ABCG2: variants seen among roughly 807,000 people sequenced by gnomAD.
ABCG2 encodes ATP binding cassette subfamily G member 2 (JR blood group).
In ABCG2, 80 loss-of-function variants were observed where a neutral mutation model predicts 73.5. That is an observed-to-expected ratio of 1.09 (90% CI 0.91 to 1.31). The LOEUF is 1.31. Ranked by LOEUF, ABCG2 falls within the 50% of genes most tolerant of loss-of-function variation. ABCG2 has a pLI of 0.00. For missense variants in ABCG2, 796 were observed against 786.2 expected, an observed-to-expected ratio of 1.01 and a Z score of -0.15; for synonymous variants, 269 against 282.4, an observed-to-expected ratio of 0.95 and a Z score of 0.48.
intron 11 of ABCG2, among the ~76,000 whole-genome samples, chr4:88,100,337 T>A (rs1387245184): frequency 6.6e-6 from 1 of 151,728 alleles, no homozygotes; most frequent in African/African-American, 2.4e-5. Context: ...CCATCTCTAC[T>A]AAAAATACCA....
chr4:88,227,382 C>T (rs1049794764), intron 1 of ABCG2, among the ~76,000 whole-genome samples: 41 of 152,122 alleles, frequency 2.7e-4, no homozygotes, highest in African/African-American at 7.0e-4. Flanking sequence ...CCAACAAGAG[C>T]GAAACTCTGT....
At chr4:88,118,345 T>C (rs1723742262) in intron 6 of ABCG2, 85 bp from the exon 7 acceptor site, 1 of 1,433,312 alleles carries the variant, frequency 7.0e-7, no homozygotes. Context: ...TGCCTTTAGA[T>C]TGTTTGCTCT....
chr4:88,115,232 G>GTCTCTCTCTCTGTCTCTCTC (rs1553933352), intron 7 of ABCG2, among the ~76,000 whole-genome samples, 174 bp from the exon 8 acceptor site: 1 of 28,970 alleles, frequency 3.5e-5, no homozygotes, highest in African/African-American at 1.4e-4. Flanking sequence ...TATATATTCA[G>GTCTCTCTCTCTGTCTCTCTC]TCTCTCTCTC....
chr4:88,130,913 A>T, intron 5 of ABCG2, 148 bp downstream of exon 5: 1 of 896,838 alleles, frequency 1.1e-6, no homozygotes, highest in Non-Finnish European at 1.7e-6. Context: ...CGTTCATATT[A>T]TGTAACAAGC....
At chr4:88,118,064 A>G in intron 7 of ABCG2, 45 bp downstream of exon 7, 1 of 1,584,992 alleles carries the variant, frequency 6.3e-7, no homozygotes, top group South Asian at 1.2e-5. Flanking sequence ...CTCCTTCAGG[A>G]TTCTATTAAT....
chr4:88,159,371 A>C, upstream of ABCG2: 1 of 359,614 alleles, frequency 2.8e-6, no homozygotes, highest in Non-Finnish European at 5.5e-6. Context: ...CTTGCGCCCC[A>C]GGGCCTAAAA....
At chr4:88,227,652 GGTGACATCTAA>G (rs1454299251) in intron 1 of ABCG2, among the ~76,000 whole-genome samples, 1 of 152,090 alleles carries the variant, frequency 6.6e-6, no homozygotes, top group Non-Finnish European at 1.5e-5. Context: ...AAGCTCCCTA[GGTGACATCTAA>G]GCCTGAGAAA....
At chr4:88,196,794 A>C (rs540530544) in intron 1 of ABCG2, among the ~76,000 whole-genome samples, 1 of 152,198 alleles carries the variant, frequency 6.6e-6, no homozygotes, top group Non-Finnish European at 1.5e-5. Flanking sequence ...ACCAAAAAAA[A>C]AAAAAAATCC....
At chr4:88,159,087 G>A, upstream of ABCG2, 1 of 455,634 alleles carries the variant, frequency 2.2e-6, no homozygotes, top group Admixed American at 2.4e-5. Flanking sequence ...TCGGGGCTAG[G>A]GTCACCCTGC....
At chr4:88,149,172 C>T (rs1240014735) in intron 1 of ABCG2, among the ~76,000 whole-genome samples, 2 of 152,014 alleles carry the variant, frequency 1.3e-5, no homozygotes, top group South Asian at 2.1e-4. Context: ...GTCAAGATCA[C>T]GCCACTATAC....
At chr4:88,130,920 A>T in intron 5 of ABCG2, 141 bp downstream of exon 5, 1 of 954,002 alleles carries the variant, frequency 1.0e-6, no homozygotes, top group African/African-American at 1.6e-5. Context: ...ATTATGTAAC[A>T]AGCCACTTTT....
intron 5 of ABCG2, among the ~76,000 whole-genome samples, chr4:88,125,249 G>T (rs28844890): frequency 1.3e-5 from 2 of 149,680 alleles, no homozygotes; most frequent in East Asian, 4.0e-4. Context: ...CCAAGATCGC[G>T]CCACTGCATT....
chr4:88,205,276 A>G (rs1253077509), intron 1 of ABCG2, among the ~76,000 whole-genome samples: 1 of 152,220 alleles, frequency 6.6e-6, no homozygotes, highest in African/African-American at 2.4e-5. Context: ...ACTCCAGCAG[A>G]TTGCTCTTCC....
At chr4:88,206,067 G>A (rs752852422) in intron 1 of ABCG2, among the ~76,000 whole-genome samples, 30 of 152,172 alleles carry the variant, frequency 2.0e-4, no homozygotes, top group Non-Finnish European at 4.4e-4. Context: ...AAACTGTCCT[G>A]TACCCTGTCT....
At chr4:88,129,533 T>C (rs575594105) in intron 5 of ABCG2, among the ~76,000 whole-genome samples, 8 of 152,110 alleles carry the variant, frequency 5.3e-5, no homozygotes, top group Admixed American at 3.9e-4. Flanking sequence ...ACCTTACTGG[T>C]AAGATAAAAT....
intron 1 of ABCG2, among the ~76,000 whole-genome samples, chr4:88,169,748 C>T (rs1727681851): frequency 1.3e-5 from 2 of 152,008 alleles, no homozygotes; most frequent in African/African-American, 4.8e-5. Flanking sequence ...GTCATCTAAC[C>T]CCTCATTAAG....
rs537745761 is a variant in ABCG2, at chr4:88,181,387, A to C, written c.-19-41373T>G. Among the ~76,000 whole-genome samples, 248 of 133,270 alleles carry C rather than the reference A, an allele frequency of 1.9e-3. 2 individuals are homozygous for C. Among genetic ancestry groups the C allele is most frequent in the Admixed American group, 5.7e-3 (69 of 12,020 alleles). The allele number at this position is 133,270 out of a possible 152,430, so 87.4% of individuals were successfully genotyped here. On this transcript the variant is annotated intron_variant, in intron 1 of 15. Transcript: ENST00000515655. Reference sequence around the variant, plus strand: ...TGCACTCCAGCCTGGTGACAGAGCAAGACTCCATCTCAAAAAAAAAAAAAA... The same window carrying C: ...TGCACTCCAGCCTGGTGACAGAGCACGACTCCATCTCAAAAAAAAAAAAAA...
intron 2 of ABCG2, among the ~76,000 whole-genome samples, chr4:88,136,970 C>T (rs1185602538): frequency 6.7e-6 from 1 of 148,988 alleles, no homozygotes; most frequent in Non-Finnish European, 1.5e-5. Flanking sequence ...CAAGATCATG[C>T]CACTGCACTC....
chr4:88,118,497 T>C (rs1167844028), intron 6 of ABCG2, among the ~76,000 whole-genome samples: 3 of 152,210 alleles, frequency 2.0e-5, no homozygotes, highest in African/African-American at 4.8e-5. Context: ...ACTAGAATAG[T>C]TATTAAAAAT....
Sources: gnomAD v4.1 joint callset for allele counts (sites outside exome capture counted in the v4.1 genomes callset) on GRCh38, gnomAD v4.1.1 for gene constraint, MANE v1.5 for transcripts, NCBI Gene and HGNC (gene_info 2026-07-23, HGNC 2026-07-21) for gene names.